FAM135B: variants seen among roughly 807,000 people sequenced by gnomAD.
FAM135B encodes the protein protein FAM135B.
Under a neutral mutation model 127.7 loss-of-function variants are expected in FAM135B, and 43 were observed. The ratio of observed to expected loss-of-function variants is 0.34; its 90% CI spans 0.26 to 0.43. The LOEUF (loss-of-function observed/expected upper bound fraction) is 0.43. Ranked by LOEUF, FAM135B falls within the 20% of genes least tolerant of loss-of-function variation. The pLI is 1.00. For synonymous variants in FAM135B, 670 were observed against 665.1 expected, an observed-to-expected ratio of 1.01 and a Z score of -0.11; for missense variants, 1,558 against 1,725.6, an observed-to-expected ratio of 0.90 and a Z score of 1.72.
chr8:138,376,784 CTCA>C (rs1831504479), intron 1 of FAM135B, among the ~76,000 whole-genome samples: 1 of 152,162 alleles, frequency 6.6e-6, no homozygotes, highest in South Asian at 2.1e-4. Flanking sequence ...CTGTCAGTCA[CTCA>C]TCATCAGTAG....
intron 1 of FAM135B, among the ~76,000 whole-genome samples, chr8:138,423,920 A>G (rs1834682689): frequency 6.6e-6 from 1 of 152,140 alleles, no homozygotes; most frequent in Admixed American, 6.5e-5. Context: ...TTCCTTGCTG[A>G]GAAAAAGAAT....
At chr8:138,309,007 T>C (rs1290322809) in intron 3 of FAM135B, 3 of 455,180 alleles carry the variant, frequency 6.6e-6, no homozygotes, top group Non-Finnish European at 8.8e-6. Flanking sequence ...CTGGTTCTTG[T>C]TCTGACATAT....
At chr8:138,310,946 GC>G (rs758270175) in intron 2 of FAM135B, 26 bp from the exon 3 acceptor site, 1 of 1,581,004 alleles carries the variant, frequency 6.3e-7, no homozygotes, top group Non-Finnish European at 8.6e-7. Context: ...AGGACAGGGT[GC>G]TGAAGATCAG....
intron 1 of FAM135B, among the ~76,000 whole-genome samples, chr8:138,451,142 T>C (rs1836458882): frequency 6.6e-6 from 1 of 152,126 alleles, no homozygotes; most frequent in East Asian, 1.9e-4. Flanking sequence ...CCTTGACCAA[T>C]TATAAACCCT....
chr8:138,398,456 G>T (rs1832966612), intron 1 of FAM135B, among the ~76,000 whole-genome samples: 2 of 152,214 alleles, frequency 1.3e-5, no homozygotes, highest in Non-Finnish European at 2.9e-5. Flanking sequence ...AGGCCTCGGG[G>T]AACCAGGCAC....
At chr8:138,303,592 A>T (rs997195942) in intron 3 of FAM135B, among the ~76,000 whole-genome samples, 1 of 152,208 alleles carries the variant, frequency 6.6e-6, no homozygotes, top group Non-Finnish European at 1.5e-5. Context: ...CCCAGAACTT[A>T]AAGTAAAATA....
At chr8:138,327,533 A>G (rs538013049) in intron 2 of FAM135B, among the ~76,000 whole-genome samples, 1 of 152,214 alleles carries the variant, frequency 6.6e-6, no homozygotes, top group African/African-American at 2.4e-5. Context: ...AAGAGTGCAA[A>G]CATTCACAAG....
chr8:138,199,629 A>G (rs924085185), intron 7 of FAM135B, among the ~76,000 whole-genome samples: 1 of 152,206 alleles, frequency 6.6e-6, no homozygotes, highest in Admixed American at 6.5e-5. Flanking sequence ...TGGGTAATTT[A>G]TAAAGGAAAG....
intron 3 of FAM135B, among the ~76,000 whole-genome samples, chr8:138,304,391 A>G (rs1826088727): frequency 6.6e-6 from 1 of 152,220 alleles, no homozygotes; most frequent in East Asian, 1.9e-4. Flanking sequence ...AAAATAGTGT[A>G]GAAGAAGCAC....
chr8:138,235,437 C>T (rs545792233), intron 7 of FAM135B, among the ~76,000 whole-genome samples: 1 of 152,300 alleles, frequency 6.6e-6, no homozygotes, highest in East Asian at 1.9e-4. Flanking sequence ...AACATAATGT[C>T]ATGTTTAATG....
Position 138,132,863 on chromosome 8 carries a change from C to G in FAM135B, c.4016-65G>C, listed in dbSNP as rs2130492799. The stretch of plus-strand genomic sequence containing the variant: ...ATTAGCAGTGGAATCTAGAGAACAT[C>G]ACTAGATGTGTGTCGAAATTCTGTT... On this transcript the variant is annotated intron_variant, in intron 19 of 19. Transcript: ENST00000395297. The surrounding 1 kb of genome is among the most constrained non-coding windows in gnomAD (Gnocchi z 4.5). The G allele has an allele frequency of 6.9e-7, 1 of 1,452,162 alleles. No individual in the cohort carries two copies. The highest frequency in any genetic ancestry group is 1.1e-5 in the South Asian group (1 of 86,970). 90.0% of individuals were successfully genotyped at this position (1,452,162 alleles called of 1,614,324 possible). A position where few individuals can be genotyped will look rare whatever the true frequency, so the allele number is the denominator to read the frequency against.
intron 9 of FAM135B, among the ~76,000 whole-genome samples, chr8:138,181,023 G>A (rs577717032): frequency 2.6e-5 from 4 of 151,212 alleles, no homozygotes; most frequent in African/African-American, 4.9e-5. Flanking sequence ...GGCGGATCAC[G>A]AGGTCAAGAG....
chr8:138,132,188 TTG>T lies in FAM135B; in HGVS notation c.*403_*404del. 1 of 196,014 alleles carries T rather than the reference TTG, an allele frequency of 5.1e-6. No individual in the cohort carries two copies. Among genetic ancestry groups the T allele is most frequent in the Non-Finnish European group, 1.1e-5 (1 of 94,480 alleles). 12.1% of individuals were successfully genotyped at this position (196,014 alleles called of 1,614,324 possible). On this transcript the variant is annotated 3_prime_UTR_variant, in exon 20 of 20. Transcript: ENST00000395297. This position sits in a 1 kb window ranked among gnomAD's most constrained non-coding sequence, Gnocchi z 4.5. The stretch of plus-strand genomic sequence containing the variant: ...GAGATTAACCTGAGTTCTGAAATGC[TTG>T]TGTGCACTTAATCAGAAATGATAAA...
At chr8:138,195,543 G>T (rs1344919088) in intron 8 of FAM135B, among the ~76,000 whole-genome samples, 1 of 152,004 alleles carries the variant, frequency 6.6e-6, no homozygotes, top group African/African-American at 2.4e-5. Flanking sequence ...ATCACCTCAT[G>T]CACACGGTTA....
At chr8:138,350,963 T>C (rs1436252274) in intron 2 of FAM135B, among the ~76,000 whole-genome samples, 2 of 152,084 alleles carry the variant, frequency 1.3e-5, no homozygotes, top group African/African-American at 4.8e-5. Flanking sequence ...CATGTAACCC[T>C]AGGGTGACCA....
Position 138,132,474 on chromosome 8 carries a change from C to A in FAM135B, c.*119G>T, listed in dbSNP as rs1384995192. ...CTCTCATGTCAGGTTCCACCCGAGC[C>A]TCCGTCCCCCAATGCTGTTGAAGCT... On this transcript the variant is annotated 3_prime_UTR_variant, in exon 20 of 20. Coordinates refer to ENST00000395297, the MANE Select transcript of FAM135B (RefSeq NM_015912.4). The surrounding 1 kb of genome is among the most constrained non-coding windows in gnomAD (Gnocchi z 4.5). 1 of 822,050 alleles carries A rather than the reference C, an allele frequency of 1.2e-6. No homozygotes were observed. The highest frequency in any genetic ancestry group is 2.2e-5 in the Admixed American group (1 of 45,796). 50.9% of individuals were successfully genotyped at this position (822,050 alleles called of 1,614,324 possible). A position where few individuals can be genotyped will look rare whatever the true frequency, so the allele number is the denominator to read the frequency against.
chr8:138,351,381 C>T (rs997984846), intron 2 of FAM135B, among the ~76,000 whole-genome samples: 5 of 152,110 alleles, frequency 3.3e-5, no homozygotes, highest in East Asian at 1.9e-4. Context: ...AGGGAAGATC[C>T]TGTGAAGAGA....
At chr8:138,427,250 G>C (rs1834939867) in intron 1 of FAM135B, among the ~76,000 whole-genome samples, 1 of 150,060 alleles carries the variant, frequency 6.7e-6, no homozygotes, top group South Asian at 2.1e-4. Flanking sequence ...CTGAATCTTT[G>C]AGTTGGAAGA....
At chr8:138,142,686 T>TTA (rs1430947988) in intron 16 of FAM135B, among the ~76,000 whole-genome samples, 2 of 151,982 alleles carry the variant, frequency 1.3e-5, no homozygotes, top group Non-Finnish European at 2.9e-5. Context: ...TTGCAAAAGG[T>TTA]TATATATCTG....
Sources: allele counts gnomAD v4.1 joint callset (sites outside exome capture counted in the v4.1 genomes callset), GRCh38; gene constraint gnomAD v4.1.1; non-coding constraint Gnocchi (gnomAD v3.1); transcripts MANE v1.5; gene names NCBI Gene and HGNC (gene_info 2026-07-23, HGNC 2026-07-21).